ELAVL2: variants seen among roughly 807,000 people sequenced by gnomAD.
ELAVL2 encodes the protein ELAV-like protein 2.
ELAVL2 carries 4 observed loss-of-function variants against 34.6 expected under a neutral mutation model. That is an observed-to-expected ratio of 0.12 (90% CI 0.06 to 0.26). The LOEUF (loss-of-function observed/expected upper bound fraction) is 0.26, where lower values mean the gene tolerates loss of function less well. ELAVL2 is among the 10% of genes least tolerant of loss of function. ELAVL2 has a pLI of 1.00. For missense variants in ELAVL2, 432 were observed against 442.8 expected (o/e 0.98, Z 0.22); for synonymous variants, 193 against 154.8 (o/e 1.25, Z -1.83).
intron 2 of ELAVL2, among the ~76,000 whole-genome samples, chr9:23,761,347 AT>A (rs1386573722): frequency 2.6e-5 from 4 of 152,168 alleles, no homozygotes; most frequent in African/African-American, 9.6e-5. Context: ...TGCTCTTTAA[AT>A]TAGGTTTTGG....
At chr9:23,812,600 T>C (rs2063155915) in intron 1 of ELAVL2, among the ~76,000 whole-genome samples, 1 of 152,090 alleles carries the variant, frequency 6.6e-6, no homozygotes, top group African/African-American at 2.4e-5. Context: ...CATATAATCA[T>C]AGAATAGAAG....
At chr9:23,759,313 A>G (rs968831851) in intron 2 of ELAVL2, among the ~76,000 whole-genome samples, 1 of 152,068 alleles carries the variant, frequency 6.6e-6, no homozygotes, top group Admixed American at 6.6e-5. Flanking sequence ...GAGGTGAGAC[A>G]GCCAAATACC....
chr9:23,692,946 A>G, intron 6 of ELAVL2, 62 bp from the exon 7 acceptor site: 2 of 1,484,286 alleles, frequency 1.3e-6, no homozygotes, highest in Non-Finnish European at 1.8e-6. Flanking sequence ...GGTTGGTTAT[A>G]GCAATGAACG....
chr9:23,844,724 C>T, the ELAVL2 span, among the ~76,000 whole-genome samples: 3 of 151,934 alleles, frequency 2.0e-5, no homozygotes, highest in Non-Finnish European at 2.9e-5. Context: ...AAATTAAAAG[C>T]ATTAACATTG....
intron 4 of ELAVL2, among the ~76,000 whole-genome samples, chr9:23,703,941 T>G (rs937564580): frequency 3.3e-5 from 5 of 152,230 alleles, no homozygotes; most frequent in African/African-American, 1.2e-4. Context: ...TACTTATTTT[T>G]TGAAATGGAG....
At chr9:23,737,491 T>C (rs1022509889) in intron 2 of ELAVL2, among the ~76,000 whole-genome samples, 3 of 152,252 alleles carry the variant, frequency 2.0e-5, no homozygotes, top group Non-Finnish European at 2.9e-5. Flanking sequence ...AGTAATTTGA[T>C]AGATTTACAT....
rs1235301030 is a variant in ELAVL2, at chr9:23,730,988, T to C, written c.333+34A>G. 4.4e-6 allele frequency: 7 copies of C among 1,573,634 alleles called. No homozygotes were observed. In the South Asian group the frequency reaches 8.1e-5, roughly 18 times the overall value. On this transcript the variant is annotated intron_variant, in intron 3 of 6. Transcript: ENST00000397312. The stretch of plus-strand genomic sequence containing the variant: ...AATCTTAATTTTTTTAAACTTCTGT[T>C]CCGCAAGTAGATATAAAAAAACTTT...
chr9:23,726,716 T>A (rs2045274824), intron 3 of ELAVL2, among the ~76,000 whole-genome samples: 1 of 152,142 alleles, frequency 6.6e-6, no homozygotes, highest in Admixed American at 6.6e-5. Context: ...TGGAAATGAA[T>A]GATTTTAGTT....
In ELAVL2 at chr9:23,803,479, C is replaced by T. The variant is rs138776399; in HGVS notation, c.-16+22327G>A. 3.9e-5 allele frequency among the ~76,000 whole-genome samples: 6 copies of T among 152,264 alleles called. No individual in the cohort carries two copies. The East Asian group carries it at 1.2e-3, about 29-fold the overall frequency. Reference sequence around the variant, plus strand: ...CACCCTAGTCAGGAAGCCATGCATGCTCCATCTTCCTCTCAAAGCCCTGGT... The same window carrying T: ...CACCCTAGTCAGGAAGCCATGCATGTTCCATCTTCCTCTCAAAGCCCTGGT... On this transcript the variant is annotated intron_variant, in intron 1 of 6. Transcript: ENST00000397312.
the ELAVL2 span, chr9:23,849,543 T>TATTA: frequency 2.0e-5 from 3 of 152,260 alleles, no homozygotes. Flanking sequence ...ACCCGGCTAA[T>TATTA]GTGCCGAGTT....
intron 2 of ELAVL2, among the ~76,000 whole-genome samples, chr9:23,757,688 C>T (rs2053902290): frequency 6.6e-6 from 1 of 151,892 alleles, no homozygotes; most frequent in African/African-American, 2.4e-5. Flanking sequence ...TGATGAATGC[C>T]TATAGATAGG....
At chr9:23,792,760 C>A (rs190972632) in intron 1 of ELAVL2, among the ~76,000 whole-genome samples, 2 of 152,084 alleles carry the variant, frequency 1.3e-5, no homozygotes, top group Non-Finnish European at 2.9e-5. Context: ...TATTTACTTC[C>A]TTTTTTCATA....
the ELAVL2 span, chr9:23,849,668 A>G: frequency 6.6e-6 from 1 of 152,338 alleles, no homozygotes; most frequent in African/African-American, 2.4e-5. Context: ...CTTTAAATGC[A>G]TCAAGCCTAT....
At chr9:23,749,991 C>G (rs1383189630) in intron 2 of ELAVL2, among the ~76,000 whole-genome samples, 1 of 149,028 alleles carries the variant, frequency 6.7e-6, no homozygotes, top group African/African-American at 2.5e-5. Flanking sequence ...AGTCACTGGT[C>G]ATGAACACAG....
chr9:23,828,484 G>C (rs534258959), upstream of ELAVL2, among the ~76,000 whole-genome samples: 3 of 152,082 alleles, frequency 2.0e-5, no homozygotes, highest in South Asian at 6.2e-4. Context: ...CAAAATGATA[G>C]GGACAGGTGT....
At chr9:23,787,309 G>A (rs921439483) in intron 1 of ELAVL2, among the ~76,000 whole-genome samples, 1 of 151,186 alleles carries the variant, frequency 6.6e-6, no homozygotes, top group African/African-American at 2.4e-5. Flanking sequence ...TCCCAGGCTG[G>A]AGTGCAATGG....
Position 23,731,142 on chromosome 9 carries a change from G to A in ELAVL2, c.230-17C>T. On this transcript the variant is annotated splice_polypyrimidine_tract_variant and intron_variant, in intron 2 of 6. Coordinates refer to ENST00000397312, the MANE Select transcript of ELAVL2 (RefSeq NM_004432.5). ...AGCTCTGCCCTAATGAAAAGGAAGG[G>A]GAAAAAGGCATATATTAGTTCTATA... 1.9e-6 allele frequency: 3 copies of A among 1,602,658 alleles called. No homozygotes were observed. The highest frequency in any genetic ancestry group is 2.6e-6 in the Non-Finnish European group (3 of 1,175,412).
chr9:23,845,960 C>T, the ELAVL2 span, among the ~76,000 whole-genome samples: 6 of 151,734 alleles, frequency 4.0e-5, no homozygotes. Context: ...TGTCCTTAAA[C>T]ATTTTTTCAT....
chr9:23,761,936 A>G (rs956261821), intron 2 of ELAVL2, 70 bp downstream of exon 2: 1 of 1,481,358 alleles, frequency 6.8e-7, no homozygotes, highest in African/African-American at 1.4e-5. Flanking sequence ...TACAAGCAGT[A>G]ATCTTATTAT....
Sources: gnomAD v4.1 joint callset for allele counts (sites outside exome capture counted in the v4.1 genomes callset) on GRCh38, gnomAD v4.1.1 for gene constraint, MANE v1.5 for transcripts, NCBI Gene and HGNC (gene_info 2026-07-23, HGNC 2026-07-21) for gene names.